The following MAPRE3 variants were observed in gnomAD, a reference collection of about 807,000 sequenced individuals.
MAPRE3 encodes microtubule associated protein RP/EB family member 3, also known as microtubule-associated protein RP/EB family member 3.
A neutral mutation model predicts 30.5 loss-of-function variants in MAPRE3; 2 were observed. The ratio of observed to expected loss-of-function variants is 0.07; its 90% CI spans 0.03 to 0.21. MAPRE3 has a LOEUF of 0.21. MAPRE3 is among the 10% of genes least tolerant of loss of function. The pLI, the probability that MAPRE3 is intolerant of heterozygous loss-of-function variation, is 1.00. For missense variants in MAPRE3, 204 were observed against 351.8 expected, an observed-to-expected ratio of 0.58 and a Z score of 3.36; for synonymous variants, 110 against 127.7, an observed-to-expected ratio of 0.86 and a Z score of 0.93.
chr2:27,017,270 T>C (rs1271398738), intron 1 of MAPRE3, among the ~76,000 whole-genome samples: 1 of 152,138 alleles, frequency 6.6e-6, no homozygotes, highest in Non-Finnish European at 1.5e-5. Flanking sequence ...GTAGCACCAG[T>C]TGTGAGGACC....
In MAPRE3 at chr2:26,985,999, T is replaced by C. The variant is rs1866655; in HGVS notation, c.-8+15197T>C. Among the ~76,000 whole-genome samples the C allele has an allele frequency of 6.6e-5, 10 of 152,074 alleles. No individual in the cohort carries two copies. Among genetic ancestry groups the C allele is most frequent in the African/African-American group, 2.4e-4 (10 of 41,488 alleles). On this transcript the variant is annotated intron_variant, in intron 1 of 6. Coordinates refer to ENST00000233121, the MANE Select transcript of MAPRE3 (RefSeq NM_012326.4). The surrounding 1 kb of genome is among the most constrained non-coding windows in gnomAD (Gnocchi z 4.2). The stretch of plus-strand genomic sequence containing the variant: ...AGACCAGTGAGAGAATGACCTTTGT[T>C]GTTTTCAGCCACCCAGTTTGTGGTC...
chr2:26,980,254 G>A (rs1044853033), intron 1 of MAPRE3, among the ~76,000 whole-genome samples: 7 of 152,206 alleles, frequency 4.6e-5, no homozygotes, highest in Non-Finnish European at 8.8e-5. Flanking sequence ...AAACACTGGA[G>A]TGGTTTAAGG....
intron 1 of MAPRE3, chr2:26,984,788 T>G (rs1244454684): frequency 6.6e-6 from 1 of 152,234 alleles, no homozygotes; most frequent in Non-Finnish European, 1.5e-5. Flanking sequence ...TCATATTCAT[T>G]TATAGTTTTT....
Position 27,026,677 on chromosome 2 carries a change from G to T in MAPRE3, c.*329G>T. Reference sequence around the variant, plus strand: ...CCTGCTCCTGACAGCCAGCAGCTGTGTATTTGACAAAGTCATTGGTATATT... The same window carrying T: ...CCTGCTCCTGACAGCCAGCAGCTGTTTATTTGACAAAGTCATTGGTATATT... On this transcript the variant is annotated 3_prime_UTR_variant, in exon 7 of 7. Transcript: ENST00000233121. 3.2e-6 allele frequency: 1 copy of T among 308,788 alleles called. No individual in the cohort carries two copies. The allele number at this position is 308,788 out of a possible 1,614,324, so 19.1% of individuals were successfully genotyped here.
intron 1 of MAPRE3, among the ~76,000 whole-genome samples, chr2:26,987,580 G>A (rs1474524588): frequency 2.0e-5 from 3 of 152,184 alleles, no homozygotes; most frequent in African/African-American, 7.2e-5. Flanking sequence ...GGAGGTTGCA[G>A]TGAGCCGAGA....
chr2:26,988,376 A>T (rs190313729), intron 1 of MAPRE3, among the ~76,000 whole-genome samples: 101 of 152,256 alleles, frequency 6.6e-4, no homozygotes, highest in African/African-American at 2.2e-3. Context: ...AGCTGCTTTT[A>T]AAAATGTTGG....
chr2:26,974,156 C>T (rs1665969712), intron 1 of MAPRE3, among the ~76,000 whole-genome samples: 5 of 152,144 alleles, frequency 3.3e-5, no homozygotes, highest in Admixed American at 3.3e-4. Flanking sequence ...TCCAGATTTC[C>T]AGACTAGAGT....
intron 1 of MAPRE3, among the ~76,000 whole-genome samples, chr2:26,976,025 T>G (rs1034482536): frequency 2.6e-5 from 4 of 152,246 alleles, no homozygotes; most frequent in Non-Finnish European, 5.9e-5. Context: ...AATAAGCTAA[T>G]TTTCAGCTAT....
rs149776823 is a variant in MAPRE3 at position 27,021,931 on chromosome 2, T to C, written c.-7-281T>C. On this transcript the variant is annotated intron_variant, in intron 1 of 6. Coordinates refer to ENST00000233121, the MANE Select transcript of MAPRE3 (RefSeq NM_012326.4). ...ACATTTATGTGCCTGTTTCACTGCCTCATCACTCCCTACTGAGGGGATCTG... is the reference window on the plus strand; with the variant it reads ...ACATTTATGTGCCTGTTTCACTGCCCCATCACTCCCTACTGAGGGGATCTG... Among the ~76,000 whole-genome samples, 1,393 of 152,306 alleles carry C rather than the reference T, an allele frequency of 9.1e-3. 24 individuals are homozygous for C. The highest frequency in any genetic ancestry group is 0.033 in the African/African-American group (1,358 of 41,548).
chr2:26,996,778 A>T (rs1181783790), intron 1 of MAPRE3: 1 of 152,104 alleles, frequency 6.6e-6, no homozygotes, highest in African/African-American at 2.4e-5. Context: ...CTGCATTCCA[A>T]CCTGGGCGAC....
intron 1 of MAPRE3, among the ~76,000 whole-genome samples, chr2:26,973,216 A>C (rs1474165071): frequency 6.6e-6 from 1 of 152,204 alleles, no homozygotes; most frequent in African/African-American, 2.4e-5. Flanking sequence ...GAATCTTGGA[A>C]CTGAGAAAGA....
chr2:26,972,440 A>G (rs534356495), intron 1 of MAPRE3, among the ~76,000 whole-genome samples: 2 of 152,366 alleles, frequency 1.3e-5, no homozygotes, highest in East Asian at 1.9e-4. Flanking sequence ...AGTTTTAAAC[A>G]TAGAGATGAA....
At chr2:26,973,312 T>C (rs1012151103) in intron 1 of MAPRE3, among the ~76,000 whole-genome samples, 2 of 152,202 alleles carry the variant, frequency 1.3e-5, no homozygotes, top group Non-Finnish European at 2.9e-5. Flanking sequence ...GAGTTTCTTC[T>C]AGTCCTTCCT....
intron 1 of MAPRE3, among the ~76,000 whole-genome samples, chr2:27,010,750 A>G (rs1666838964): frequency 2.0e-5 from 3 of 151,876 alleles, no homozygotes; most frequent in Admixed American, 1.3e-4. Flanking sequence ...GGCCCAATCT[A>G]TATTTCATTT....
At position 26,975,561 on chromosome 2, in the gene MAPRE3, T is replaced by C. The variant is rs78787603; in HGVS notation, c.-8+4759T>C. On this transcript the variant is annotated intron_variant, in intron 1 of 6. Transcript: ENST00000233121. ...ATACCCATGTATAGACATCTAAAGA[T>C]TGAAAAGAAACGCAATAATGTTTAC... is the stretch of plus-strand genomic sequence containing the variant. Among the ~76,000 whole-genome samples the C allele has an allele frequency of 2.4e-3, 368 of 152,270 alleles. 1 individual carries two copies. Among genetic ancestry groups the C allele is most frequent in the African/African-American group, 8.5e-3 (352 of 41,540 alleles).
chr2:27,003,780 C>T (rs1666658131), intron 1 of MAPRE3, among the ~76,000 whole-genome samples: 1 of 152,160 alleles, frequency 6.6e-6, no homozygotes, highest in Admixed American at 6.5e-5. Context: ...TCACAGTCCC[C>T]ATCCCCTTCT....
At chr2:27,003,880 T>C (rs898648316) in intron 1 of MAPRE3, among the ~76,000 whole-genome samples, 3 of 152,240 alleles carry the variant, frequency 2.0e-5, no homozygotes, top group Non-Finnish European at 2.9e-5. Context: ...CTCTGACCTA[T>C]AACCGTCACT....
At chr2:27,024,759 A>G (rs1021956422) in intron 4 of MAPRE3, among the ~76,000 whole-genome samples, 5 of 152,192 alleles carry the variant, frequency 3.3e-5, no homozygotes, top group African/African-American at 1.2e-4. Context: ...AATAGTCCTA[A>G]GTCCTCAAAA....
intron 3 of MAPRE3, 198 bp from the exon 4 acceptor site, chr2:27,023,898 A>G: frequency 1.8e-6 from 1 of 571,254 alleles, no homozygotes; most frequent in Non-Finnish European, 3.1e-6. Context: ...CCTGTAGAGA[A>G]GGGATGCCTC....
Sources: allele counts gnomAD v4.1 joint callset (sites outside exome capture counted in the v4.1 genomes callset), GRCh38; gene constraint gnomAD v4.1.1; non-coding constraint Gnocchi (gnomAD v3.1); transcripts MANE v1.5; gene names NCBI Gene and HGNC (gene_info 2026-07-23, HGNC 2026-07-21).